RIT2: variants seen among roughly 807,000 people sequenced by gnomAD.
RIT2 encodes the protein GTP-binding protein Rit2.
A neutral mutation model predicts 23.7 loss-of-function variants in RIT2; 24 were observed. That is an observed-to-expected ratio of 1.01 (90% CI 0.73 to 1.43). The LOEUF is 1.43. Among genes scored for constraint, RIT2 ranks in the 40% most tolerant of loss-of-function variants. RIT2 has a pLI of 0.00. For missense variants in RIT2, 236 were observed against 266.9 expected, an observed-to-expected ratio of 0.88 and a Z score of 0.81; for synonymous variants, 107 against 91.1, an observed-to-expected ratio of 1.17 and a Z score of -0.99.
At chr18:42,984,608 CT>C (rs1203637708) in intron 2 of RIT2, among the ~76,000 whole-genome samples, 4 of 151,780 alleles carry the variant, frequency 2.6e-5, no homozygotes, top group African/African-American at 9.6e-5. Flanking sequence ...ATTTATTATA[CT>C]TTTTTGGCTT....
At chr18:42,957,787 AAATT>A (rs1490721834) in intron 3 of RIT2, among the ~76,000 whole-genome samples, 6 of 152,150 alleles carry the variant, frequency 3.9e-5, no homozygotes, top group Admixed American at 3.9e-4. Flanking sequence ...TCTTCTCAAA[AAATT>A]AATTAACTAA....
At chr18:43,064,783 T>C (rs928305475) in intron 1 of RIT2, among the ~76,000 whole-genome samples, 1 of 152,152 alleles carries the variant, frequency 6.6e-6, no homozygotes, top group African/African-American at 2.4e-5. Flanking sequence ...AAAAATTTTA[T>C]ATTCTGTATT....
chr18:43,008,210 T>C (rs1911269366), intron 2 of RIT2, among the ~76,000 whole-genome samples: 1 of 151,586 alleles, frequency 6.6e-6, no homozygotes, highest in Admixed American at 6.6e-5. Flanking sequence ...TTAAAATAAA[T>C]TGCTCAAAAA....
chr18:42,781,109 C>T (rs1181088550), intron 4 of RIT2, among the ~76,000 whole-genome samples: 1 of 151,906 alleles, frequency 6.6e-6, no homozygotes, highest in Non-Finnish European at 1.5e-5. Flanking sequence ...AAAAAAGAAT[C>T]AAATGTACTG....
chr18:43,105,086 T>C (rs1026559567), intron 1 of RIT2, among the ~76,000 whole-genome samples: 3 of 150,392 alleles, frequency 2.0e-5, no homozygotes, highest in African/African-American at 7.4e-5. Flanking sequence ...GTCCTTTCTC[T>C]AACAGGCAGT....
Position 43,098,246 on chromosome 18 carries a change from A to T in RIT2, c.103+17171T>A, listed in dbSNP as rs193049278. ...GAAAGTCCTTTTCTAAGGGATCAGAACGATTCTAGGTGATAATCTTTTATG... is the reference window on the plus strand; with the variant it reads ...GAAAGTCCTTTTCTAAGGGATCAGATCGATTCTAGGTGATAATCTTTTATG... On this transcript the variant is annotated intron_variant, in intron 1 of 4. Transcript: ENST00000326695. Among the ~76,000 whole-genome samples, 7 of 152,084 alleles carry T rather than the reference A, an allele frequency of 4.6e-5. No homozygotes were observed. In the East Asian group the frequency reaches 1.2e-3, roughly 25 times the overall value.
chr18:43,114,054 A>G (rs1008426751), intron 1 of RIT2, among the ~76,000 whole-genome samples: 3 of 151,926 alleles, frequency 2.0e-5, no homozygotes, highest in Non-Finnish European at 4.4e-5. Flanking sequence ...ATCCTAACCT[A>G]TTTTGATTCC....
intron 1 of RIT2, among the ~76,000 whole-genome samples, chr18:43,072,261 C>A (rs1008608527): frequency 6.6e-6 from 1 of 152,092 alleles, no homozygotes; most frequent in Admixed American, 6.6e-5. Context: ...TCTGGGATTA[C>A]AGGAGTGAGC....
At chr18:42,805,968 C>T (rs1286233747) in intron 4 of RIT2, among the ~76,000 whole-genome samples, 7 of 151,940 alleles carry the variant, frequency 4.6e-5, no homozygotes. Flanking sequence ...AAAAGCCACT[C>T]ACCATTTAAC....
intron 4 of RIT2, among the ~76,000 whole-genome samples, chr18:42,899,391 G>A (rs1908416521): frequency 6.6e-6 from 1 of 151,562 alleles, no homozygotes; most frequent in South Asian, 2.1e-4. Context: ...CAATAATTGA[G>A]ATACCCTATA....
intron 4 of RIT2, among the ~76,000 whole-genome samples, chr18:42,894,197 G>C (rs1908260324): frequency 1.3e-5 from 2 of 152,160 alleles, no homozygotes; most frequent in Admixed American, 1.3e-4. Flanking sequence ...TGTTGGCATA[G>C]TCAATGCAGT....
chr18:43,015,648 T>A (rs1485304525), intron 2 of RIT2, among the ~76,000 whole-genome samples: 19 of 151,680 alleles, frequency 1.3e-4, no homozygotes, highest in Admixed American at 1.3e-3. Context: ...TAGGATTAAT[T>A]AAGCCTTGAA....
At chr18:42,813,275 C>T (rs745924515) in intron 4 of RIT2, among the ~76,000 whole-genome samples, 1 of 151,960 alleles carries the variant, frequency 6.6e-6, no homozygotes, top group African/African-American at 2.4e-5. Context: ...TTGACTTTAT[C>T]GTTAACAAAG....
chr18:42,893,359 G>A (rs1908234804), intron 4 of RIT2, among the ~76,000 whole-genome samples: 1 of 152,104 alleles, frequency 6.6e-6, no homozygotes, highest in South Asian at 2.1e-4. Context: ...CAAGATCAAG[G>A]CATCAGTAGA....
intron 1 of RIT2, among the ~76,000 whole-genome samples, chr18:43,096,303 T>C (rs1913551527): frequency 6.6e-6 from 1 of 151,920 alleles, no homozygotes; most frequent in Non-Finnish European, 1.5e-5. Context: ...ATGGTAGTAA[T>C]TCATAGAATG....
chr18:43,039,876 T>C (rs1912086902), intron 1 of RIT2, among the ~76,000 whole-genome samples: 1 of 152,198 alleles, frequency 6.6e-6, no homozygotes, highest in Non-Finnish European at 1.5e-5. Flanking sequence ...AACTTGATGC[T>C]GAAAATGAGT....
chr18:43,065,801 G>A (rs1912758544), intron 1 of RIT2, among the ~76,000 whole-genome samples: 1 of 152,116 alleles, frequency 6.6e-6, no homozygotes, highest in African/African-American at 2.4e-5. Context: ...TTAGAGGGAA[G>A]ACATGAACAA....
chr18:42,831,898 C>A (rs949576030), intron 4 of RIT2, among the ~76,000 whole-genome samples: 1 of 152,164 alleles, frequency 6.6e-6, no homozygotes, highest in Non-Finnish European at 1.5e-5. Flanking sequence ...CCCTTGCCTG[C>A]AATGGCTGTG....
intron 4 of RIT2, among the ~76,000 whole-genome samples, chr18:42,748,882 C>G (rs1478199369): frequency 6.6e-6 from 1 of 151,844 alleles, no homozygotes; most frequent in Non-Finnish European, 1.5e-5. Flanking sequence ...AACCAAACAC[C>G]TACTGTTCCC....
Sources: allele counts gnomAD v4.1 joint callset (sites outside exome capture counted in the v4.1 genomes callset), GRCh38; gene constraint gnomAD v4.1.1; transcripts MANE v1.5; gene names NCBI Gene and HGNC (gene_info 2026-07-23, HGNC 2026-07-21).